CELF2: variants seen among roughly 807,000 people sequenced by gnomAD.
CELF2 encodes the protein CUGBP Elav-like family member 2, also known as CUG triplet repeat RNA-binding protein 2.
CELF2 carries 8 observed loss-of-function variants against 62.6 expected under a neutral mutation model. That is an observed-to-expected ratio of 0.13 (90% CI 0.07 to 0.23). The LOEUF (loss-of-function observed/expected upper bound fraction) is 0.23, where lower values mean the gene tolerates loss of function less well. Among genes scored for constraint, CELF2 ranks in the 10% least tolerant of loss-of-function variants. The probability of loss-of-function intolerance (pLI) is 1.00; values close to 1 mark genes in which losing one functional copy is unlikely to be tolerated. For missense variants in CELF2, 333 were observed against 671.0 expected (o/e 0.50, Z 5.56); for synonymous variants, 258 against 250.0 (o/e 1.03, Z -0.30).
the CELF2 span, among the ~76,000 whole-genome samples, chr10:10,633,180 G>A: frequency 1.1e-4 from 16 of 152,216 alleles, no homozygotes; most frequent in African/African-American, 3.1e-4. Flanking sequence ...CGTCCTGTGC[G>A]TGTATCTGTA....
chr10:10,627,401 C>T, the CELF2 span, among the ~76,000 whole-genome samples: 2 of 152,200 alleles, frequency 1.3e-5, no homozygotes, highest in African/African-American at 4.8e-5. Flanking sequence ...TTCCTGGAGT[C>T]CTTCTGTACC....
intron 3 of CELF2, among the ~76,000 whole-genome samples, chr10:11,240,116 C>T (rs976664498): frequency 6.6e-6 from 1 of 152,186 alleles, no homozygotes; most frequent in East Asian, 1.9e-4. Flanking sequence ...CTTGAAATAG[C>T]GCTGAGACTT....
intron 1 of CELF2, among the ~76,000 whole-genome samples, chr10:11,040,585 A>G (rs1009579429): frequency 6.6e-6 from 1 of 151,976 alleles, no homozygotes; most frequent in African/African-American, 2.4e-5. Context: ...TTTCCTGTGT[A>G]ATGGTTTTTG....
chr10:10,618,554 T>C, the CELF2 span, among the ~76,000 whole-genome samples: 2 of 152,114 alleles, frequency 1.3e-5, no homozygotes, highest in African/African-American at 2.4e-5. Flanking sequence ...CCATTCCTCA[T>C]GGCAACGCTT....
chr10:10,852,737 T>A (rs1378704265), intron 1 of CELF2, among the ~76,000 whole-genome samples: 1 of 152,232 alleles, frequency 6.6e-6, no homozygotes, highest in African/African-American at 2.4e-5. Flanking sequence ...ACATGATCTG[T>A]CTGTGTTATC....
the CELF2 span, among the ~76,000 whole-genome samples, chr10:10,705,060 C>A: frequency 6.6e-6 from 1 of 152,016 alleles, no homozygotes; most frequent in Non-Finnish European, 1.5e-5. Flanking sequence ...GTGGCACAAG[C>A]CTGTAATCCT....
chr10:10,760,328 G>A, the CELF2 span, among the ~76,000 whole-genome samples: 1 of 152,298 alleles, frequency 6.6e-6, no homozygotes, highest in African/African-American at 2.4e-5. Flanking sequence ...GTGTTCTGCT[G>A]TTGGCTCTTG....
chr10:10,580,332 T>C, the CELF2 span, among the ~76,000 whole-genome samples: 3 of 152,202 alleles, frequency 2.0e-5, no homozygotes, highest in Non-Finnish European at 2.9e-5. Flanking sequence ...TAAACTTTGC[T>C]ATTAATCTCT....
the CELF2 span, among the ~76,000 whole-genome samples, chr10:10,579,668 G>A: frequency 6.6e-6 from 1 of 152,048 alleles, no homozygotes; most frequent in Admixed American, 6.6e-5. Flanking sequence ...TGTTACCCCG[G>A]AATAGTAAAA....
intron 1 of CELF2, among the ~76,000 whole-genome samples, chr10:10,858,405 G>A (rs887704835): frequency 3.3e-5 from 5 of 151,974 alleles, no homozygotes; most frequent in Admixed American, 6.6e-5. Flanking sequence ...TTGGCATAGC[G>A]CATCACATGA....
chr10:11,187,734 G>A (rs374065458), intron 2 of CELF2, among the ~76,000 whole-genome samples: 47 of 152,276 alleles, frequency 3.1e-4, no homozygotes, highest in East Asian at 1.3e-3. Context: ...GCAACTTCAT[G>A]TATAGCATGA....
intron 2 of CELF2, among the ~76,000 whole-genome samples, chr10:10,955,162 A>G (rs899982553): frequency 3.3e-5 from 5 of 152,218 alleles, no homozygotes; most frequent in African/African-American, 9.6e-5. Context: ...TGTTCTCTCC[A>G]TGTTATTGAT....
At chr10:10,633,933 C>A in the CELF2 span, among the ~76,000 whole-genome samples, 1 of 151,882 alleles carries the variant, frequency 6.6e-6, no homozygotes. Flanking sequence ...AAATTTCTAA[C>A]CTGTTTAATT....
intron 1 of CELF2, among the ~76,000 whole-genome samples, chr10:10,866,752 C>A (rs1197606614): frequency 6.6e-6 from 1 of 151,326 alleles, no homozygotes; most frequent in African/African-American, 2.4e-5. Flanking sequence ...AAAACCCCAT[C>A]TTTACTAAAA....
the CELF2 span, among the ~76,000 whole-genome samples, chr10:10,463,614 T>C: frequency 5.3e-5 from 8 of 152,166 alleles, no homozygotes; most frequent in African/African-American, 9.7e-5. Context: ...AACATGTCAT[T>C]TGAAAATATA....
the CELF2 span, among the ~76,000 whole-genome samples, chr10:10,686,638 C>T: frequency 6.6e-6 from 1 of 152,180 alleles, no homozygotes; most frequent in Non-Finnish European, 1.5e-5. Context: ...GGGCTCCCCT[C>T]TTCACTTGGC....
chr10:10,678,859 A>G, the CELF2 span, among the ~76,000 whole-genome samples: 2 of 152,298 alleles, frequency 1.3e-5, no homozygotes, highest in East Asian at 3.9e-4. Flanking sequence ...ACCTGCACAA[A>G]TGGGGTTTAT....
intron 1 of CELF2, among the ~76,000 whole-genome samples, chr10:10,877,540 G>A (rs2061183623): frequency 6.6e-6 from 1 of 152,226 alleles, no homozygotes. Context: ...AGTGAGCAGG[G>A]GAGTGACTTT....
intron 1 of CELF2, among the ~76,000 whole-genome samples, chr10:10,900,384 G>A (rs2062851687): frequency 6.6e-6 from 1 of 152,196 alleles, no homozygotes; most frequent in South Asian, 2.1e-4. Flanking sequence ...TCATAGCCAT[G>A]TGGGGTCTGG....
Sources: gnomAD v4.1 joint callset for allele counts (sites outside exome capture counted in the v4.1 genomes callset) on GRCh38, gnomAD v4.1.1 for gene constraint, MANE v1.5 for transcripts, NCBI Gene and HGNC (gene_info 2026-07-23, HGNC 2026-07-21) for gene names.